PEAK1: variants seen among roughly 807,000 people sequenced by gnomAD.
The protein encoded by PEAK1 is inactive tyrosine-protein kinase PEAK1.
Under a neutral mutation model 124.7 loss-of-function variants are expected in PEAK1, and 54 were observed. That is an observed-to-expected ratio of 0.43 (90% CI 0.35 to 0.54). The LOEUF is 0.54. Among genes scored for constraint, PEAK1 ranks in the 20% least tolerant of loss-of-function variants. The pLI is 0.01. For synonymous variants in PEAK1, 719 were observed against 760.0 expected (o/e 0.95, Z 0.89); for missense variants, 2,046 against 2,134.5 (o/e 0.96, Z 0.82).
At chr15:77,124,715 T>G (rs575058327) in intron 9 of PEAK1, among the ~76,000 whole-genome samples, 1 of 152,368 alleles carries the variant, frequency 6.6e-6, no homozygotes, top group East Asian at 1.9e-4. Flanking sequence ...ATGTTATTTC[T>G]GTTTAAAAAT....
At chr15:77,420,635 A>AC (rs970061947), upstream of PEAK1, 44 of 380,822 alleles carry the variant, frequency 1.2e-4, no homozygotes, top group African/African-American at 8.7e-4. Flanking sequence ...AAAAAAAAAA[A>AC]AACTACATCT....
intron 6 of PEAK1, among the ~76,000 whole-genome samples, chr15:77,208,180 T>C (rs1220785636): frequency 1.3e-5 from 2 of 152,198 alleles, no homozygotes; most frequent in East Asian, 1.9e-4. Flanking sequence ...TTTAATTCAA[T>C]ACAATAATCT....
chr15:77,352,241 A>G (rs1454850439), intron 2 of PEAK1: 1 of 985,284 alleles, frequency 1.0e-6, no homozygotes, highest in Non-Finnish European at 1.2e-6. Context: ...CTATCCTTAG[A>G]TCAAGGCAGT....
At chr15:77,245,491 G>A (rs570909890) in intron 6 of PEAK1, among the ~76,000 whole-genome samples, 2 of 152,280 alleles carry the variant, frequency 1.3e-5, no homozygotes, top group South Asian at 4.1e-4. Context: ...CTGAGGTCAG[G>A]AGTTCAAGAC....
intron 8 of PEAK1, chr15:77,157,709 A>T (rs565897164): frequency 6.6e-6 from 1 of 152,152 alleles, no homozygotes; most frequent in Admixed American, 6.5e-5. Flanking sequence ...ACATTATCCA[A>T]TCTTGTGTAT....
rs556308612 is a variant in PEAK1 at position 77,162,873 on chromosome 15, A to G, written c.3138-4177T>C. The stretch of plus-strand genomic sequence containing the variant: ...TCTGTGAGAATTTCTTATATACTAT[A>G]TGTTAGCACGTCTTAAAATGGCAAA... On this transcript the variant is annotated intron_variant, in intron 7 of 9. Transcript: ENST00000682557. 3.3e-5 allele frequency among the ~76,000 whole-genome samples: 5 copies of G among 152,356 alleles called. No homozygotes were observed. The East Asian group carries it at 5.8e-4, about 18-fold the overall frequency.
At chr15:77,185,683 T>C (rs1596520300) in intron 6 of PEAK1, among the ~76,000 whole-genome samples, 1 of 151,688 alleles carries the variant, frequency 6.6e-6, no homozygotes, top group Admixed American at 6.6e-5. Flanking sequence ...TGGAGAAGAG[T>C]AGGCAGGAAG....
At chr15:77,192,769 C>T (rs1234179892) in intron 6 of PEAK1, among the ~76,000 whole-genome samples, 1 of 152,062 alleles carries the variant, frequency 6.6e-6, no homozygotes, top group Non-Finnish European at 1.5e-5. Context: ...AAGGCCATTG[C>T]TAATAAGATT....
intron 1 of PEAK1, among the ~76,000 whole-genome samples, chr15:77,397,230 C>T (rs1231916930): frequency 2.0e-5 from 3 of 151,870 alleles, no homozygotes; most frequent in Admixed American, 2.0e-4. Flanking sequence ...ATGAGGAAAT[C>T]AAGAAAAAAT....
At position 77,133,022 on chromosome 15, in the gene PEAK1, T is replaced by C. The variant is rs1484545945; in HGVS notation, c.4060A>G (p.Asn1354Asp). Residue 1354 changes from asparagine to aspartate, a missense_variant, in exon 9 of 10, where the codon AAT (asparagine) becomes GAT (aspartate). Coordinates refer to ENST00000682557, the MANE Select transcript of PEAK1 (RefSeq NM_001385026.1). This position sits in a 1 kb window ranked among gnomAD's most constrained non-coding sequence, Gnocchi z 4.2. Reference sequence around the variant, plus strand: ...TTTCTTACCTTGACTGCATAGTTATTAAGTGGATCTTTTGCATATGAAGCA... The same window carrying C: ...TTTCTTACCTTGACTGCATAGTTATCAAGTGGATCTTTTGCATATGAAGCA... ...YTASYAKDPL[N>D]NYAVKICKSK... 4 of 1,609,980 alleles carry C rather than the reference T, an allele frequency of 2.5e-6. No individual in the cohort carries two copies. Among genetic ancestry groups the C allele is most frequent in the Non-Finnish European group, 3.4e-6 (4 of 1,176,468 alleles).
rs1340299724 is a variant in PEAK1, at chr15:77,110,509, A to T, written c.*3647T>A. 1 of 152,186 alleles carries T rather than the reference A, an allele frequency of 6.6e-6. No individual in the cohort carries two copies. Among genetic ancestry groups the T allele is most frequent in the Non-Finnish European group, 1.5e-5 (1 of 68,028 alleles). 9.4% of individuals were successfully genotyped at this position (152,186 alleles called of 1,614,324 possible). A position where few individuals can be genotyped will look rare whatever the true frequency, so the allele number is the denominator to read the frequency against. ...TCTTGGCTTAGACTTTCCCATGTTT[A>T]CAAACTTATTCTGAGTTTGGAAGCA... On this transcript the variant is annotated 3_prime_UTR_variant, in exon 10 of 10. Coordinates refer to ENST00000682557, the MANE Select transcript of PEAK1 (RefSeq NM_001385026.1).
At chr15:77,253,481 C>G (rs1301590978) in intron 5 of PEAK1, among the ~76,000 whole-genome samples, 1 of 152,164 alleles carries the variant, frequency 6.6e-6, no homozygotes, top group Non-Finnish European at 1.5e-5. Context: ...GTATTCATTT[C>G]TTCCTGTAGA....
chr15:77,408,528 T>C (rs978997918), intron 1 of PEAK1, among the ~76,000 whole-genome samples: 4 of 151,490 alleles, frequency 2.6e-5, no homozygotes, highest in Admixed American at 2.0e-4. Context: ...TGAAAACCTA[T>C]GAAATAAAAA....
intron 6 of PEAK1, among the ~76,000 whole-genome samples, chr15:77,228,573 C>T (rs1276459305): frequency 6.6e-6 from 1 of 151,952 alleles, no homozygotes; most frequent in Non-Finnish European, 1.5e-5. Flanking sequence ...ACACCTTTGC[C>T]CAGAACTTGC....
chr15:77,307,890 T>C (rs1047211710), intron 2 of PEAK1, among the ~76,000 whole-genome samples: 2 of 151,982 alleles, frequency 1.3e-5, no homozygotes, highest in Non-Finnish European at 2.9e-5. Flanking sequence ...GGAGGAAGAC[T>C]CAGTGGGAAG....
intron 5 of PEAK1, among the ~76,000 whole-genome samples, chr15:77,253,846 T>G (rs1026454554): frequency 3.9e-5 from 6 of 152,182 alleles, no homozygotes; most frequent in Non-Finnish European, 7.3e-5. Flanking sequence ...TTTTTTGAGA[T>G]AGAGTTTTGC....
intron 1 of PEAK1, chr15:77,404,606 T>G (rs2071650987): frequency 1.1e-6 from 1 of 915,502 alleles, no homozygotes; most frequent in African/African-American, 1.8e-5. Context: ...TTGCACTATT[T>G]CTATTGGACA....
intron 7 of PEAK1, among the ~76,000 whole-genome samples, chr15:77,166,117 AC>A (rs2056079678): frequency 6.6e-6 from 1 of 151,858 alleles, no homozygotes; most frequent in African/African-American, 2.4e-5. Flanking sequence ...TCCTAAATAA[AC>A]AAACCAAAAA....
intron 6 of PEAK1, among the ~76,000 whole-genome samples, chr15:77,219,990 G>T (rs1350520730): frequency 6.6e-6 from 1 of 152,014 alleles, no homozygotes; most frequent in African/African-American, 2.4e-5. Flanking sequence ...ATATTGAGAA[G>T]CATGCAGACA....
Sources: gnomAD v4.1 joint callset for allele counts (sites outside exome capture counted in the v4.1 genomes callset) on GRCh38, gnomAD v4.1.1 for gene constraint, Gnocchi (gnomAD v3.1) non-coding constraint, MANE v1.5 for transcripts, NCBI Gene and HGNC (gene_info 2026-07-23, HGNC 2026-07-21) for gene names.